The following ERC2 variants were observed in gnomAD, a reference collection of about 807,000 sequenced individuals.
ERC2 encodes the protein ERC protein 2.
In ERC2, 42 loss-of-function variants were observed where a neutral mutation model predicts 114.8. That is an observed-to-expected ratio of 0.37 (90% CI 0.29 to 0.47). ERC2 has a LOEUF of 0.47. Ranked by LOEUF, ERC2 falls within the 20% of genes least tolerant of loss-of-function variation. The pLI is 0.99. For missense variants in ERC2, 939 were observed against 1,150.7 expected (o/e 0.82, Z 2.66); for synonymous variants, 454 against 425.5 (o/e 1.07, Z -0.82).
rs1290299233 is a variant in ERC2, at chr3:56,134,045, C to T, written c.1473+5464G>A. Among the ~76,000 whole-genome samples, 4 of 152,162 alleles carry T rather than the reference C, an allele frequency of 2.6e-5. 1 individual carries two copies. In the South Asian group the frequency reaches 8.3e-4, roughly 32 times the overall value. On this transcript the variant is annotated intron_variant, in intron 6 of 17. Transcript: ENST00000288221. ...TTTCTCAAGAAGGAGAACCAAGTTG[C>T]TTGAGTGTGACCTCAAAGAGGATCA...
chr3:55,992,309 T>A, intron 10 of ERC2, 59 bp from the exon 11 acceptor site: 1 of 1,422,976 alleles, frequency 7.0e-7, no homozygotes, highest in Non-Finnish European at 9.7e-7. Context: ...CAATAGACAG[T>A]GCTGTCACCA....
At chr3:55,903,812 C>A (rs1025502970) in intron 13 of ERC2, among the ~76,000 whole-genome samples, 1 of 152,190 alleles carries the variant, frequency 6.6e-6, no homozygotes, top group African/African-American at 2.4e-5. Context: ...CTGTCAGGCC[C>A]ACTCCTCTGG....
intron 6 of ERC2, among the ~76,000 whole-genome samples, chr3:56,083,631 G>C (rs1332004934): frequency 1.3e-5 from 2 of 152,110 alleles, no homozygotes; most frequent in Non-Finnish European, 2.9e-5. Context: ...TTTCATGAAA[G>C]AGAGAGGTCA....
intron 16 of ERC2, among the ~76,000 whole-genome samples, chr3:55,693,490 G>A (rs1206455406): frequency 6.6e-6 from 1 of 151,978 alleles, no homozygotes; most frequent in Non-Finnish European, 1.5e-5. Flanking sequence ...CTCCCTCCCC[G>A]GGCCAGTCTC....
At chr3:56,334,094 T>A (rs2057748999) in intron 2 of ERC2, among the ~76,000 whole-genome samples, 2 of 152,200 alleles carry the variant, frequency 1.3e-5, no homozygotes, top group South Asian at 4.1e-4. Context: ...CATGGTGTCA[T>A]CTTTCCCTCA....
chr3:56,190,200 C>T (rs996932799), intron 3 of ERC2, among the ~76,000 whole-genome samples: 1 of 152,174 alleles, frequency 6.6e-6, no homozygotes, highest in African/African-American at 2.4e-5. Context: ...CATGTAAGTA[C>T]AATTACTGAC....
chr3:55,547,602 AC>A (rs2054849882), intron 17 of ERC2, among the ~76,000 whole-genome samples: 1 of 151,960 alleles, frequency 6.6e-6, no homozygotes, highest in African/African-American at 2.4e-5. Flanking sequence ...AGCACACAAA[AC>A]CCCCAGCCGT....
At chr3:55,901,183 T>C (rs1683910852) in intron 13 of ERC2, among the ~76,000 whole-genome samples, 1 of 152,226 alleles carries the variant, frequency 6.6e-6, no homozygotes, top group African/African-American at 2.4e-5. Context: ...AGTAGAATAG[T>C]CATTATCTGT....
chr3:56,270,616 A>G (rs1049546379), intron 3 of ERC2, among the ~76,000 whole-genome samples: 5 of 152,172 alleles, frequency 3.3e-5, no homozygotes, highest in Non-Finnish European at 7.3e-5. Flanking sequence ...TTGTGTATTC[A>G]TTTATAATTT....
intron 15 of ERC2, among the ~76,000 whole-genome samples, chr3:55,720,440 T>C (rs1312279707): frequency 6.7e-6 from 1 of 150,298 alleles, no homozygotes; most frequent in Non-Finnish European, 1.5e-5. Context: ...CACATGCCAC[T>C]GCGTCCAGCT....
intron 3 of ERC2, among the ~76,000 whole-genome samples, chr3:56,192,090 C>T (rs1270444860): frequency 6.6e-6 from 1 of 152,138 alleles, no homozygotes; most frequent in Non-Finnish European, 1.5e-5. Flanking sequence ...CCTAAAATAA[C>T]ACAATTCAGA....
At chr3:55,598,469 T>A (rs959775522) in intron 17 of ERC2, among the ~76,000 whole-genome samples, 4 of 152,200 alleles carry the variant, frequency 2.6e-5, no homozygotes, top group Non-Finnish European at 5.9e-5. Flanking sequence ...ATTAGATTAC[T>A]CCATTAAAGC....
At chr3:55,690,520 G>A (rs2062586051) in intron 16 of ERC2, among the ~76,000 whole-genome samples, 1 of 152,182 alleles carries the variant, frequency 6.6e-6, no homozygotes, top group South Asian at 2.1e-4. Flanking sequence ...GCATCTGTAA[G>A]CTGGAGAGTG....
At chr3:56,323,722 A>G (rs1479962373) in intron 2 of ERC2, among the ~76,000 whole-genome samples, 1 of 152,198 alleles carries the variant, frequency 6.6e-6, no homozygotes, top group African/African-American at 2.4e-5. Flanking sequence ...TCTACCACCC[A>G]TCAGCTTAAA....
intron 2 of ERC2, among the ~76,000 whole-genome samples, chr3:56,308,937 T>C (rs1026448110): frequency 6.6e-6 from 1 of 152,202 alleles, no homozygotes; most frequent in African/African-American, 2.4e-5. Context: ...CTTCCTAGTT[T>C]GTCTGTAATT....
intron 3 of ERC2, among the ~76,000 whole-genome samples, chr3:56,192,542 C>A (rs2047853655): frequency 1.3e-5 from 2 of 152,078 alleles, no homozygotes; most frequent in African/African-American, 4.8e-5. Flanking sequence ...AACTGAGGGT[C>A]AGAGAATTCA....
chr3:55,919,929 T>C (rs2065320377), intron 13 of ERC2, among the ~76,000 whole-genome samples: 1 of 152,170 alleles, frequency 6.6e-6, no homozygotes, highest in East Asian at 1.9e-4. Flanking sequence ...ATAAGTGAAG[T>C]TAATGAATAA....
intron 17 of ERC2, among the ~76,000 whole-genome samples, chr3:55,545,904 T>C (rs2054713232): frequency 6.6e-6 from 1 of 152,172 alleles, no homozygotes; most frequent in Admixed American, 6.5e-5. Context: ...GAATCCCATT[T>C]GGAGGTCTTG....
chr3:55,901,504 A>G (rs770559623), intron 13 of ERC2, among the ~76,000 whole-genome samples: 5 of 152,292 alleles, frequency 3.3e-5, no homozygotes, highest in East Asian at 1.9e-4. Context: ...AGCCACCTGT[A>G]TTCTTTGCCG....
Sources: allele counts gnomAD v4.1 joint callset (sites outside exome capture counted in the v4.1 genomes callset), GRCh38; gene constraint gnomAD v4.1.1; transcripts MANE v1.5; gene names NCBI Gene and HGNC (gene_info 2026-07-23, HGNC 2026-07-21).